The following TRIM55 variants were observed in gnomAD, a reference collection of about 807,000 sequenced individuals.
TRIM55 encodes tripartite motif containing 55.
In TRIM55, 50 loss-of-function variants were observed where a neutral mutation model predicts 60.9. That is an observed-to-expected ratio of 0.82 (90% CI 0.65 to 1.04). TRIM55 has a LOEUF of 1.04. Among genes scored for constraint, TRIM55 ranks in the 50% least tolerant of loss-of-function variants. The pLI is 0.00. For synonymous variants in TRIM55, 237 were observed against 238.1 expected (o/e 1.00, Z 0.04); for missense variants, 681 against 666.9 (o/e 1.02, Z -0.23).
chr8:66,113,497 A>G, the TRIM55 span: 1 of 455,950 alleles, frequency 2.2e-6, no homozygotes, highest in Non-Finnish European at 4.4e-6. Context: ...CCGATGACTT[A>G]TGGCACTTTC....
At chr8:66,116,441 T>C in the TRIM55 span, among the ~76,000 whole-genome samples, 3 of 151,706 alleles carry the variant, frequency 2.0e-5, no homozygotes, top group Non-Finnish European at 4.4e-5. Flanking sequence ...ACCCTGTCTC[T>C]ACAAAAAATA....
chr8:66,150,563 A>C lies in TRIM55; in HGVS notation c.985+97A>C, dbSNP rs953890767. ...AAAGCGGGGATTCAGAATCACCTCC[A>C]GAATCAATGTCGACAACTTTACAAG... On this transcript the variant is annotated intron_variant, in intron 7 of 9. Coordinates refer to ENST00000315962, the MANE Select transcript of TRIM55 (RefSeq NM_184085.2). 3.6e-5 allele frequency: 50 copies of C among 1,394,226 alleles called. No individual in the cohort carries two copies. The African/African-American group carries it at 5.9e-4, about 16-fold the overall frequency. The allele number at this position is 1,394,226 out of a possible 1,614,324, so 86.4% of individuals were successfully genotyped here. A position where few individuals can be genotyped will look rare whatever the true frequency, so the allele number is the denominator to read the frequency against.
intron 9 of TRIM55, among the ~76,000 whole-genome samples, chr8:66,158,455 G>T (rs1460723885): frequency 6.6e-6 from 1 of 152,162 alleles, no homozygotes; most frequent in African/African-American, 2.4e-5. Flanking sequence ...AGACTGTGGG[G>T]ATCCAAAAGT....
intron 7 of TRIM55, among the ~76,000 whole-genome samples, chr8:66,151,613 G>A (rs189800894): frequency 3.1e-4 from 47 of 152,160 alleles, no homozygotes; most frequent in Non-Finnish European, 5.7e-4. Flanking sequence ...AGGCCAAGGC[G>A]GGTGGATCAC....
intron 2 of TRIM55, among the ~76,000 whole-genome samples, chr8:66,132,889 C>T (rs1809248562): frequency 6.6e-6 from 1 of 152,152 alleles, no homozygotes; most frequent in African/African-American, 2.4e-5. Context: ...AATTGAATCA[C>T]AAACAAAACT....
the TRIM55 span, among the ~76,000 whole-genome samples, chr8:66,121,523 T>A: frequency 3.3e-5 from 5 of 152,266 alleles, no homozygotes; most frequent in African/African-American, 1.2e-4. Context: ...TAAAGATTTC[T>A]TGTACATAGT....
intron 7 of TRIM55, 173 bp from the exon 8 acceptor site, chr8:66,152,204 A>T: frequency 1.2e-6 from 1 of 818,438 alleles, no homozygotes; most frequent in African/African-American, 1.7e-5. Flanking sequence ...TCCAGTCCAC[A>T]TTCCACTAGA....
At chr8:66,116,955 A>T in the TRIM55 span, among the ~76,000 whole-genome samples, 15,067 of 152,282 alleles carry the variant, frequency 0.099, 1,165 homozygotes, top group East Asian at 0.31. Context: ...AGGAAAATAC[A>T]TTATGACTAA....
Position 66,175,366 on chromosome 8 carries a change from C to T in TRIM55, c.*773C>T, listed in dbSNP as rs1279880486. 6.6e-6 allele frequency: 1 copy of T among 152,104 alleles called. No individual in the cohort carries two copies. The highest frequency in any genetic ancestry group is 2.4e-5 in the African/African-American group (1 of 41,406). 9.4% of individuals were successfully genotyped at this position (152,104 alleles called of 1,614,324 possible). A position where few individuals can be genotyped will look rare whatever the true frequency, so the allele number is the denominator to read the frequency against. On this transcript the variant is annotated 3_prime_UTR_variant, in exon 10 of 10. Coordinates refer to ENST00000315962, the MANE Select transcript of TRIM55 (RefSeq NM_184085.2). ...TGTTTAAATATATATACAAACATAT[C>T]ACACATTAAATATATATATATTTAA...
At chr8:66,124,343 TAA>T (rs771610107), upstream of TRIM55, among the ~76,000 whole-genome samples, 1 of 152,190 alleles carries the variant, frequency 6.6e-6, no homozygotes, top group Non-Finnish European at 1.5e-5. Context: ...CTTAACTTAT[TAA>T]GTGTTAAAAA....
chr8:66,147,938 T>C (rs1486399577), intron 4 of TRIM55, among the ~76,000 whole-genome samples: 1 of 151,752 alleles, frequency 6.6e-6, no homozygotes, highest in African/African-American at 2.4e-5. Flanking sequence ...GAAATTCACA[T>C]AAAGGAAGAA....
At chr8:66,115,223 T>C in the TRIM55 span, 1 of 152,344 alleles carries the variant, frequency 6.6e-6, no homozygotes, top group Non-Finnish European at 1.5e-5. Context: ...TGTATGCTTT[T>C]GTTACCAGTG....
At chr8:66,156,928 T>C (rs1810775927) in intron 9 of TRIM55, among the ~76,000 whole-genome samples, 1 of 151,942 alleles carries the variant, frequency 6.6e-6, no homozygotes, top group African/African-American at 2.4e-5. Flanking sequence ...ACATTATCTG[T>C]GGTAAAAAGG....
intron 9 of TRIM55, among the ~76,000 whole-genome samples, chr8:66,157,545 G>T (rs1297228379): frequency 6.6e-6 from 1 of 152,166 alleles, no homozygotes; most frequent in Admixed American, 6.5e-5. Context: ...TGAGTATTTA[G>T]GATGTGGTAA....
chr8:66,150,107 T>G (rs1444622309), intron 5 of TRIM55, 110 bp from the exon 6 acceptor site: 1 of 1,312,072 alleles, frequency 7.6e-7, no homozygotes, highest in African/African-American at 1.5e-5. Flanking sequence ...ATTTATGACA[T>G]TTAGAAACTA....
chr8:66,118,163 C>T, the TRIM55 span, among the ~76,000 whole-genome samples: 5 of 77,580 alleles, frequency 6.4e-5, no homozygotes, highest in African/African-American at 3.4e-4. Context: ...AGCGAGACTC[C>T]GTCTCAAAAA....
At chr8:66,124,978 A>G (rs1808764643), upstream of TRIM55, among the ~76,000 whole-genome samples, 1 of 152,202 alleles carries the variant, frequency 6.6e-6, no homozygotes, top group Non-Finnish European at 1.5e-5. Context: ...GGAAGACATA[A>G]ATGACTATTA....
At chr8:66,166,641 C>T (rs1371764410) in intron 9 of TRIM55, among the ~76,000 whole-genome samples, 1 of 152,192 alleles carries the variant, frequency 6.6e-6, no homozygotes, top group African/African-American at 2.4e-5. Context: ...AGGATTCTCT[C>T]GTTTAAACCT....
the TRIM55 span, among the ~76,000 whole-genome samples, chr8:66,116,072 T>C: frequency 6.6e-6 from 1 of 152,088 alleles, no homozygotes; most frequent in Admixed American, 6.5e-5. Flanking sequence ...TATATAAATA[T>C]ATATGGAAGT....
Sources: allele counts gnomAD v4.1 joint callset (sites outside exome capture counted in the v4.1 genomes callset), GRCh38; gene constraint gnomAD v4.1.1; transcripts MANE v1.5; gene names NCBI Gene and HGNC (gene_info 2026-07-23, HGNC 2026-07-21).